The following STAT4 variants were observed in gnomAD, a reference collection of about 807,000 sequenced individuals.
STAT4 encodes the protein signal transducer and activator of transcription 4.
A neutral mutation model predicts 110.5 loss-of-function variants in STAT4; 42 were observed. The ratio of observed to expected loss-of-function variants is 0.38; its 90% CI spans 0.30 to 0.49. The LOEUF is 0.49. STAT4 is among the 20% of genes least tolerant of loss of function. The probability of loss-of-function intolerance (pLI) is 0.95; values close to 1 mark genes in which losing one functional copy is unlikely to be tolerated. For missense variants in STAT4, 632 were observed against 887.9 expected (o/e 0.71, Z 3.66); for synonymous variants, 284 against 302.2 (o/e 0.94, Z 0.63).
chr2:191,068,101 G>A (rs1650209224), intron 6 of STAT4: 1 of 152,164 alleles, frequency 6.6e-6, no homozygotes, highest in Non-Finnish European at 1.5e-5. Flanking sequence ...TGTTTCCCTT[G>A]TATTTTTCTT....
rs909083045 is a variant in STAT4 at position 191,058,955 on chromosome 2, T to A, written c.1035-186A>T. Among the ~76,000 whole-genome samples the A allele has an allele frequency of 2.0e-5, 3 of 152,310 alleles. No individual in the cohort carries two copies. Among genetic ancestry groups the A allele is most frequent in the Admixed American group, 2.0e-4 (3 of 15,300 alleles). On this transcript the variant is annotated intron_variant, in intron 10 of 23. Transcript: ENST00000392320. The surrounding 1 kb of genome is among the most constrained non-coding windows in gnomAD (Gnocchi z 4.3). ...CCTCTTTAGTTTGCCATGTAACTAATGTTGACATCAGTCACTTAATAGCAT... is the reference window on the plus strand; with the variant it reads ...CCTCTTTAGTTTGCCATGTAACTAAAGTTGACATCAGTCACTTAATAGCAT...
chr2:191,120,422 G>C (rs746459381), intron 3 of STAT4, among the ~76,000 whole-genome samples: 1 of 152,004 alleles, frequency 6.6e-6, no homozygotes, highest in Non-Finnish European at 1.5e-5. Context: ...AATAAAAATA[G>C]AAAAATAAAA....
At chr2:191,056,400 C>CGAAA (rs1696694576) in intron 13 of STAT4, among the ~76,000 whole-genome samples, 1 of 152,164 alleles carries the variant, frequency 6.6e-6, no homozygotes, top group South Asian at 2.1e-4. Context: ...TGGGTCAGAG[C>CGAAA]TTTCTAGACA....
intron 3 of STAT4, among the ~76,000 whole-genome samples, chr2:191,126,307 G>A (rs1698877522): frequency 6.6e-6 from 1 of 152,052 alleles, no homozygotes; most frequent in Non-Finnish European, 1.5e-5. Context: ...AATCACAATG[G>A]GTTTAGAACA....
At chr2:191,067,453 C>T (rs1454554986) in intron 6 of STAT4, among the ~76,000 whole-genome samples, 1 of 152,126 alleles carries the variant, frequency 6.6e-6, no homozygotes, top group African/African-American at 2.4e-5. Flanking sequence ...GAGGAAAAGT[C>T]TGAAAATTAA....
Position 191,138,609 on chromosome 2 carries a change from G to GT in STAT4, c.273+8003dup, listed in dbSNP as rs1444050257. ...AGCAAGCAGCAAAATTGAATCAGTA[G>GT]TTTAAAAAAAATTGCCAACCAAAAA... On this transcript the variant is annotated intron_variant, in intron 3 of 23. Transcript: ENST00000392320. This position sits in a 1 kb window ranked among gnomAD's most constrained non-coding sequence, Gnocchi z 4.3. Among the ~76,000 whole-genome samples, 3 of 150,754 alleles carry GT rather than the reference G, an allele frequency of 2.0e-5. No homozygotes were observed. The highest frequency in any genetic ancestry group is 7.2e-5 in the African/African-American group (3 of 41,482).
rs1455403082 is a variant in STAT4, at chr2:191,141,653, CAG to C, written c.273+4958_273+4959del. ...TGATTATATATATATATTTTTGAGA[CAG>C]AGTCTTGCTGTGTTGTCCAGGCTGG... On this transcript the variant is annotated intron_variant, in intron 3 of 23. Transcript: ENST00000392320. 2.0e-5 allele frequency among the ~76,000 whole-genome samples: 3 copies of C among 149,542 alleles called. No individual in the cohort carries two copies. In the East Asian group the frequency reaches 5.8e-4, roughly 29 times the overall value.
At chr2:191,072,574 AT>A (rs1697196586) in intron 5 of STAT4, among the ~76,000 whole-genome samples, 1 of 152,240 alleles carries the variant, frequency 6.6e-6, no homozygotes, top group Non-Finnish European at 1.5e-5. Flanking sequence ...AAGGAAATGA[AT>A]GCTATGTAAG....
chr2:191,066,429 C>T lies in STAT4; in HGVS notation c.630+1G>A, dbSNP rs1303653213. The T allele has an allele frequency of 1.2e-6, 2 of 1,612,662 alleles. No individual in the cohort carries two copies. Among genetic ancestry groups the T allele is most frequent in the Non-Finnish European group, 1.7e-6 (2 of 1,179,044 alleles). On this transcript the variant is annotated splice_donor_variant, in intron 7 of 23. Transcript: ENST00000392320. LOFTEE classifies it high-confidence loss of function. The surrounding 1 kb of genome is among the most constrained non-coding windows in gnomAD (Gnocchi z 4.3). ...AGCCCAAATTAAAATTCTTCACTAA[C>T]CTTTCTCTTGAAATCGAGGCTGTTA...
At position 191,107,325 on chromosome 2, in the gene STAT4, C is replaced by T. The variant is rs577703023; in HGVS notation, c.274-31000G>A. On this transcript the variant is annotated intron_variant, in intron 3 of 23. Transcript: ENST00000392320. This position sits in a 1 kb window ranked among gnomAD's most constrained non-coding sequence, Gnocchi z 4.2. ...TTATTTCTTCCTTACAATTTTCCTG[C>T]CTGTTAACAATCTTAAAGAAAAATA... is the stretch of plus-strand genomic sequence containing the variant. 5.7e-4 allele frequency among the ~76,000 whole-genome samples: 87 copies of T among 152,204 alleles called. No homozygotes were observed. Among genetic ancestry groups the T allele is most frequent in the African/African-American group, 2.0e-3 (82 of 41,518 alleles).
At chr2:191,102,931 T>C (rs1241331108) in intron 3 of STAT4, among the ~76,000 whole-genome samples, 3 of 152,212 alleles carry the variant, frequency 2.0e-5, no homozygotes, top group African/African-American at 7.2e-5. Flanking sequence ...AACTGTGACA[T>C]CCATGTATCA....
rs1277833779 is a variant in STAT4, at chr2:191,146,740, T to C, written c.146A>G (p.Asn49Ser). 1 of 1,564,822 alleles carries C rather than the reference T, an allele frequency of 6.4e-7. No individual in the cohort carries two copies. Among genetic ancestry groups the C allele is most frequent in the Non-Finnish European group, 8.6e-7 (1 of 1,159,226 alleles). ...AAGAAGAATCGTTGCCATGGTTTCA[T>C]TGTTAGAAGCTGCCTCCCTAAAAAA... ...ENQDWEAASN[N>S]ETMATILLQN... The change falls in exon 3 of 24, where the codon AAT (asparagine) becomes AGT (serine). Residue 49 changes from asparagine to serine, a missense_variant. Around this residue, in one of 4 missense-constraint regions of STAT4, gnomAD observed 488 missense variants for 632.8 expected, o/e 0.77. Transcript: ENST00000392320. The surrounding 1 kb of genome is among the most constrained non-coding windows in gnomAD (Gnocchi z 4.5).
chr2:191,078,841 T>G (rs1697387395), intron 3 of STAT4, among the ~76,000 whole-genome samples: 1 of 152,154 alleles, frequency 6.6e-6, no homozygotes, highest in African/African-American at 2.4e-5. Flanking sequence ...TTTATTAAAC[T>G]TTATGCTTCT....
At chr2:191,127,477 G>A (rs1273427013) in intron 3 of STAT4, among the ~76,000 whole-genome samples, 3 of 152,078 alleles carry the variant, frequency 2.0e-5, no homozygotes, top group African/African-American at 7.2e-5. Context: ...CCTCTACCAC[G>A]GTGCTTACCA....
In STAT4 at chr2:191,066,543, A is replaced by G; in HGVS notation, c.545-28T>C. 1 of 1,600,660 alleles carries G rather than the reference A, an allele frequency of 6.2e-7. No homozygotes were observed. Among genetic ancestry groups the G allele is most frequent in the Non-Finnish European group, 8.5e-7 (1 of 1,169,618 alleles). ...GCAAAGGTAAAGAGATCAGATTTAG[A>G]GTTCTCTCTATTCCTGAAAGTCAAG... On this transcript the variant is annotated intron_variant, in intron 6 of 23. Coordinates refer to ENST00000392320, the MANE Select transcript of STAT4 (RefSeq NM_003151.4). The surrounding 1 kb of genome is among the most constrained non-coding windows in gnomAD (Gnocchi z 4.3).
intron 3 of STAT4, among the ~76,000 whole-genome samples, chr2:191,105,730 T>C (rs1392153885): frequency 1.3e-5 from 2 of 152,344 alleles, no homozygotes; most frequent in East Asian, 3.9e-4. Flanking sequence ...TATTTCCACA[T>C]CATTAGTCTT....
rs148090220 is a variant in STAT4 at position 191,029,679 on chromosome 2, T to C, written c.*161A>G. ...AGCATTTCAGTCACAACACTCCCAA[T>C]TGAGGAGTGCCACGGGAGTGTGAAG... On this transcript the variant is annotated 3_prime_UTR_variant, in exon 24 of 24. Transcript: ENST00000392320. This position sits in a 1 kb window ranked among gnomAD's most constrained non-coding sequence, Gnocchi z 4.5. The C allele has an allele frequency of 8.5e-4, 567 of 663,508 alleles. 4 individuals carry two copies. Among genetic ancestry groups the C allele is most frequent in the Non-Finnish European group, 1.2e-4 (45 of 386,858 alleles). 41.1% of individuals were successfully genotyped at this position (663,508 alleles called of 1,614,324 possible).
chr2:191,111,761 T>C (rs1698430157), intron 3 of STAT4, among the ~76,000 whole-genome samples: 9 of 152,114 alleles, frequency 5.9e-5, no homozygotes, highest in Admixed American at 5.9e-4. Context: ...CTCAAGAGGC[T>C]GAGTGGGAGG....
rs1453915640 is a variant in STAT4, at chr2:191,090,157, T to C, written c.274-13832A>G. Among the ~76,000 whole-genome samples, 1 of 152,138 alleles carries C rather than the reference T, an allele frequency of 6.6e-6. No individual in the cohort carries two copies. Among genetic ancestry groups the C allele is most frequent in the Non-Finnish European group, 1.5e-5 (1 of 68,010 alleles). On this transcript the variant is annotated intron_variant, in intron 3 of 23. Transcript: ENST00000392320. This position sits in a 1 kb window ranked among gnomAD's most constrained non-coding sequence, Gnocchi z 4.2. The stretch of plus-strand genomic sequence containing the variant: ...CTGGTGAGGGGTGTGAGAAGGAGAC[T>C]AAGGGAGTATATGGGAAAGTATTCT...
Sources: allele counts gnomAD v4.1 joint callset (sites outside exome capture counted in the v4.1 genomes callset), GRCh38; gene constraint gnomAD v4.1.1; regional missense constraint gnomAD v4.1.1; non-coding constraint Gnocchi (gnomAD v3.1); transcripts MANE v1.5; gene names NCBI Gene and HGNC (gene_info 2026-07-23, HGNC 2026-07-21).